Variants in MLLT10 observed in about 807,000 individuals in gnomAD.
The protein encoded by MLLT10 is protein AF-10.
MLLT10 carries 30 observed loss-of-function variants against 129.1 expected under a neutral mutation model. That is an observed-to-expected ratio of 0.23 (90% CI 0.17 to 0.32). The LOEUF is 0.32. MLLT10 is among the 10% of genes least tolerant of loss of function. The pLI, the probability that MLLT10 is intolerant of heterozygous loss-of-function variation, is 1.00. For synonymous variants in MLLT10, 490 were observed against 446.4 expected (o/e 1.10, Z -1.23); for missense variants, 1,119 against 1,268.3 (o/e 0.88, Z 1.79).
At chr10:21,538,025 G>A (rs185882704) in intron 2 of MLLT10, among the ~76,000 whole-genome samples, 9 of 151,242 alleles carry the variant, frequency 6.0e-5, no homozygotes, top group Admixed American at 4.6e-4. Flanking sequence ...TTTTGAGATA[G>A]GGTCTCCCTC....
chr10:21,681,687 T>C (rs2052752706), intron 12 of MLLT10, among the ~76,000 whole-genome samples: 1 of 152,192 alleles, frequency 6.6e-6, no homozygotes, highest in Non-Finnish European at 1.5e-5. Context: ...TTTTCTATTC[T>C]TAATATAATT....
At chr10:21,734,244 C>T (rs2131581277) in intron 20 of MLLT10, 115 bp downstream of exon 20, 1 of 1,264,480 alleles carries the variant, frequency 7.9e-7, no homozygotes. Flanking sequence ...AAGAAGTCTG[C>T]CAAAAATTTT....
chr10:21,551,090 C>T (rs925649521), intron 3 of MLLT10, among the ~76,000 whole-genome samples: 11 of 151,642 alleles, frequency 7.3e-5, no homozygotes, highest in African/African-American at 2.4e-4. Flanking sequence ...CCACGCCCGG[C>T]TGATTTTTGT....
At chr10:21,551,414 T>G (rs992740975) in intron 3 of MLLT10, among the ~76,000 whole-genome samples, 2 of 151,704 alleles carry the variant, frequency 1.3e-5, no homozygotes, top group Non-Finnish European at 2.9e-5. Flanking sequence ...AACTTTTTTT[T>G]TGTTACTGCT....
chr10:21,619,605 G>T (rs540645682), intron 8 of MLLT10, among the ~76,000 whole-genome samples: 1 of 152,128 alleles, frequency 6.6e-6, no homozygotes, highest in Non-Finnish European at 1.5e-5. Context: ...TTAATATTTA[G>T]AAGTATGTAA....
At chr10:21,683,324 T>C (rs2052940390) in intron 13 of MLLT10, among the ~76,000 whole-genome samples, 1 of 152,162 alleles carries the variant, frequency 6.6e-6, no homozygotes, top group East Asian at 1.9e-4. Context: ...TGAATACTCT[T>C]GATAACAAGG....
At chr10:21,682,471 C>A (rs1247536003) in intron 13 of MLLT10, among the ~76,000 whole-genome samples, 1 of 152,106 alleles carries the variant, frequency 6.6e-6, no homozygotes, top group Non-Finnish European at 1.5e-5. Context: ...TTTATTGTTT[C>A]TTTTTAAGGC....
chr10:21,600,368 A>AC (rs2043405237), intron 5 of MLLT10, among the ~76,000 whole-genome samples: 1 of 144,544 alleles, frequency 6.9e-6, no homozygotes, highest in African/African-American at 2.5e-5. Flanking sequence ...CCTGAGATAG[A>AC]ACACACACAC....
intron 8 of MLLT10, among the ~76,000 whole-genome samples, chr10:21,619,731 C>T (rs890277189): frequency 6.6e-6 from 1 of 152,062 alleles, no homozygotes; most frequent in Non-Finnish European, 1.5e-5. Flanking sequence ...TACTGGTCAT[C>T]TACAAAGTAA....
intron 8 of MLLT10, among the ~76,000 whole-genome samples, chr10:21,628,462 G>T (rs2046678694): frequency 7.1e-6 from 1 of 140,752 alleles, no homozygotes; most frequent in South Asian, 2.3e-4. Context: ...TTGAGACGGA[G>T]TCTAGCTCTG....
chr10:21,592,440 GTTT>G (rs869260444), intron 4 of MLLT10, among the ~76,000 whole-genome samples: 12 of 144,020 alleles, frequency 8.3e-5, no homozygotes, highest in Admixed American at 2.8e-4. Context: ...GTTTTCTGTA[GTTT>G]TTTTTTTTTT....
intron 11 of MLLT10, among the ~76,000 whole-genome samples, chr10:21,675,243 G>A (rs2051964731): frequency 1.3e-5 from 2 of 152,192 alleles, no homozygotes; most frequent in African/African-American, 4.8e-5. Context: ...CATTAAGGAT[G>A]GTTCTAGAGC....
At chr10:21,563,424 G>A (rs1278286689) in intron 3 of MLLT10, among the ~76,000 whole-genome samples, 2 of 151,952 alleles carry the variant, frequency 1.3e-5, no homozygotes, top group East Asian at 3.9e-4. Context: ...TTGGGAGGCT[G>A]AGACATGAGA....
Position 21,624,391 on chromosome 10 carries a change from A to G in MLLT10, c.699+7184A>G, listed in dbSNP as rs140370457. Among the ~76,000 whole-genome samples, 5 of 152,296 alleles carry G rather than the reference A, an allele frequency of 3.3e-5. No individual in the cohort carries two copies. In the East Asian group the frequency reaches 5.8e-4, roughly 18 times the overall value. On this transcript the variant is annotated intron_variant, in intron 8 of 22. Transcript: ENST00000307729. ...CAGAATAAGGGAACTCTGTAAGCCC[A>G]ATAATGTCCAAGAGCATTTATGAAA...
chr10:21,721,272 G>GA (rs1164707404), intron 14 of MLLT10, among the ~76,000 whole-genome samples: 9 of 152,080 alleles, frequency 5.9e-5, no homozygotes, highest in Non-Finnish European at 1.2e-4. Context: ...TCTATCTCTA[G>GA]ATGATACATT....
At chr10:21,640,295 A>G (rs2047875976) in intron 8 of MLLT10, among the ~76,000 whole-genome samples, 1 of 143,828 alleles carries the variant, frequency 7.0e-6, no homozygotes, top group Admixed American at 7.2e-5. Context: ...AATATATATT[A>G]TATAATATAT....
intron 3 of MLLT10, among the ~76,000 whole-genome samples, chr10:21,553,638 TCTTTTC>T (rs1437351414): frequency 4.0e-5 from 6 of 151,466 alleles, no homozygotes; most frequent in Admixed American, 6.6e-5. Flanking sequence ...AATTCTGATT[TCTTTTC>T]CTTTTCCTTT....
At position 21,741,922 on chromosome 10, in the gene MLLT10, CT is replaced by C. The variant is rs1589954112; in HGVS notation, c.3163-13del. On this transcript the variant is annotated splice_polypyrimidine_tract_variant and intron_variant, in intron 22 of 22. Transcript: ENST00000307729. Reference sequence around the variant, plus strand: ...AGTTGATTTAGCTAACGCATCTGCTCTTTTGTTTACCTGCAGAGACTTAGTG... The same window carrying C: ...AGTTGATTTAGCTAACGCATCTGCTCTTTGTTTACCTGCAGAGACTTAGTG... 10 of 1,609,450 alleles carry C rather than the reference CT, an allele frequency of 6.2e-6. No individual in the cohort carries two copies. The East Asian group carries it at 2.2e-4, about 36-fold the overall frequency.
In MLLT10 at chr10:21,638,794, G is replaced by C. The variant is rs574363481; in HGVS notation, c.700-12879G>C. ...TTATTTTTCTTCTTAAAGCACTGAG[G>C]TCACCTAATTGTTACAGTGGGGTAG... On this transcript the variant is annotated intron_variant, in intron 8 of 22. Transcript: ENST00000307729. 1.4e-3 allele frequency among the ~76,000 whole-genome samples: 207 copies of C among 152,184 alleles called. 4 individuals carry two copies. Among genetic ancestry groups the C allele is most frequent in the Non-Finnish European group, 5.4e-4 (37 of 67,996 alleles).
Sources: gnomAD v4.1 joint callset for allele counts (sites outside exome capture counted in the v4.1 genomes callset) on GRCh38, gnomAD v4.1.1 for gene constraint, MANE v1.5 for transcripts, NCBI Gene and HGNC (gene_info 2026-07-23, HGNC 2026-07-21) for gene names.